GRIA1: variants seen among roughly 807,000 people sequenced by gnomAD.
The protein encoded by GRIA1 is glutamate ionotropic receptor AMPA type subunit 1.
A neutral mutation model predicts 99.2 loss-of-function variants in GRIA1; 31 were observed. The ratio of observed to expected loss-of-function variants is 0.31; its 90% CI spans 0.23 to 0.42. The LOEUF is 0.42. Among genes scored for constraint, GRIA1 ranks in the 10% least tolerant of loss-of-function variants. GRIA1 has a pLI of 1.00. For synonymous variants in GRIA1, 438 were observed against 432.4 expected (o/e 1.01, Z -0.16); for missense variants, 782 against 1,157.5 (o/e 0.68, Z 4.71).
At chr5:153,711,861 A>G (rs1228948702) in intron 11 of GRIA1, among the ~76,000 whole-genome samples, 1 of 152,162 alleles carries the variant, frequency 6.6e-6, no homozygotes, top group Non-Finnish European at 1.5e-5. Flanking sequence ...AAAATGGGAA[A>G]TTATGACTTT....
intron 11 of GRIA1, among the ~76,000 whole-genome samples, chr5:153,740,094 T>C (rs952171376): frequency 6.6e-6 from 1 of 152,248 alleles, no homozygotes; most frequent in Non-Finnish European, 1.5e-5. Context: ...TGGGTGGATA[T>C]AAGCAAAGAA....
chr5:153,553,829 A>G (rs1760372323), intron 2 of GRIA1, among the ~76,000 whole-genome samples: 2 of 152,106 alleles, frequency 1.3e-5, no homozygotes, highest in Admixed American at 1.3e-4. Context: ...GCAACCAATT[A>G]TTATTTTAGA....
At chr5:153,513,600 C>T (rs895683652) in intron 2 of GRIA1, among the ~76,000 whole-genome samples, 6 of 152,140 alleles carry the variant, frequency 3.9e-5, no homozygotes, top group Non-Finnish European at 7.3e-5. Flanking sequence ...TCAGTTTTGT[C>T]GCTGATTAAC....
intron 7 of GRIA1, among the ~76,000 whole-genome samples, chr5:153,682,433 C>A (rs1757040152): frequency 6.6e-6 from 1 of 152,138 alleles, no homozygotes. Context: ...TCTCCTAGGC[C>A]CATCTGTGCA....
chr5:153,517,419 G>A (rs140093810), intron 2 of GRIA1, among the ~76,000 whole-genome samples: 24 of 152,252 alleles, frequency 1.6e-4, no homozygotes, highest in African/African-American at 5.8e-4. Context: ...ACTAGTGCTG[G>A]TAAGCACAGC....
intron 4 of GRIA1, among the ~76,000 whole-genome samples, chr5:153,650,896 TAAAAAAA>T (rs71575151): frequency 2.9e-5 from 2 of 70,130 alleles, no homozygotes; most frequent in African/African-American, 9.5e-5. Context: ...CTGTCTCCAC[TAAAAAAA>T]AAAAAAAAAA....
intron 8 of GRIA1, among the ~76,000 whole-genome samples, chr5:153,686,992 C>G (rs886257149): frequency 3.3e-5 from 5 of 152,202 alleles, no homozygotes; most frequent in African/African-American, 1.2e-4. Context: ...TGTTCTTTCT[C>G]ATCATTGAGC....
chr5:153,803,784 G>A (rs1766215163), intron 15 of GRIA1, among the ~76,000 whole-genome samples: 1 of 152,170 alleles, frequency 6.6e-6, no homozygotes. Context: ...TCCAAGCTCA[G>A]TATGCCCACT....
chr5:153,492,341 CA>C, intron 1 of GRIA1: 1 of 1,510,164 alleles, frequency 6.6e-7, no homozygotes, highest in Non-Finnish European at 8.8e-7. Flanking sequence ...GCCTAACACG[CA>C]AAACTTCCTG....
chr5:153,711,225 A>C (rs906391492), intron 11 of GRIA1, among the ~76,000 whole-genome samples: 1 of 152,212 alleles, frequency 6.6e-6, no homozygotes, highest in Admixed American at 6.5e-5. Flanking sequence ...ATTGATTTGC[A>C]TGCTAAAATA....
intron 2 of GRIA1, among the ~76,000 whole-genome samples, chr5:153,545,299 G>T (rs1759503933): frequency 6.6e-6 from 1 of 152,154 alleles, no homozygotes; most frequent in Admixed American, 6.5e-5. Flanking sequence ...TTTGCCAGAG[G>T]TTGTAGAAAA....
At chr5:153,631,890 G>A (rs1309318055) in intron 2 of GRIA1, among the ~76,000 whole-genome samples, 1 of 152,074 alleles carries the variant, frequency 6.6e-6, no homozygotes, top group Non-Finnish European at 1.5e-5. Flanking sequence ...CAAAAGTAGG[G>A]GAGAAGAGTT....
intron 2 of GRIA1, among the ~76,000 whole-genome samples, chr5:153,588,367 T>C (rs1763679025): frequency 6.6e-6 from 1 of 152,202 alleles, no homozygotes; most frequent in African/African-American, 2.4e-5. Flanking sequence ...CCTCCATTAC[T>C]CCTCTACTCC....
chr5:153,735,083 T>G (rs969915793), intron 11 of GRIA1, among the ~76,000 whole-genome samples: 26 of 152,058 alleles, frequency 1.7e-4, no homozygotes, highest in African/African-American at 6.0e-4. Flanking sequence ...ACATGACAGG[T>G]CCCCACCACA....
chr5:153,771,773 G>GT (rs1561847424), intron 13 of GRIA1, among the ~76,000 whole-genome samples: 1 of 152,080 alleles, frequency 6.6e-6, no homozygotes, highest in East Asian at 1.9e-4. Flanking sequence ...AACTAAAAGC[G>GT]TAAGCTTATT....
At chr5:153,741,968 C>T (rs1312799099) in intron 11 of GRIA1, among the ~76,000 whole-genome samples, 1 of 150,192 alleles carries the variant, frequency 6.7e-6, no homozygotes, top group Non-Finnish European at 1.5e-5. Flanking sequence ...AGGAAATATG[C>T]CTAGTGTGTT....
intron 2 of GRIA1, among the ~76,000 whole-genome samples, chr5:153,519,512 G>C (rs1419502271): frequency 7.0e-6 from 1 of 142,086 alleles, no homozygotes; most frequent in Admixed American, 7.0e-5. Flanking sequence ...AGTGTAGATT[G>C]CTCTCAATCC....
At chr5:153,777,152 C>T (rs915573076) in intron 13 of GRIA1, among the ~76,000 whole-genome samples, 2 of 152,096 alleles carry the variant, frequency 1.3e-5, no homozygotes, top group African/African-American at 2.4e-5. Context: ...TTTGCAGATC[C>T]AGGAATGTGC....
intron 14 of GRIA1, 23 bp from the exon 15 acceptor site, chr5:153,802,333 C>T (rs746573954): frequency 2.5e-6 from 4 of 1,612,744 alleles, no homozygotes; most frequent in Admixed American, 1.7e-5. Context: ...CCCTCCCCTT[C>T]CTTTCCCTCC....
Sources: gnomAD v4.1 joint callset for allele counts (sites outside exome capture counted in the v4.1 genomes callset) on GRCh38, gnomAD v4.1.1 for gene constraint, MANE v1.5 for transcripts, NCBI Gene and HGNC (gene_info 2026-07-23, HGNC 2026-07-21) for gene names.